NRG3: variants seen among roughly 807,000 people sequenced by gnomAD.
NRG3 encodes pro-neuregulin-3, membrane-bound isoform.
Under a neutral mutation model 66.9 loss-of-function variants are expected in NRG3, and 31 were observed. The observed-to-expected ratio is 0.46, with a 90% CI of 0.35 to 0.63. The LOEUF is 0.63. NRG3 is among the 20% of genes least tolerant of loss of function. The pLI is 0.00. For synonymous variants in NRG3, 393 were observed against 359.4 expected (o/e 1.09, Z -1.06); for missense variants, 910 against 878.9 (o/e 1.04, Z -0.45).
intron 3 of NRG3, among the ~76,000 whole-genome samples, chr10:82,787,956 A>G (rs1474718639): frequency 1.3e-5 from 2 of 152,224 alleles, no homozygotes; most frequent in Non-Finnish European, 2.9e-5. Context: ...TTCTTATGCC[A>G]TACAAGCACA....
chr10:82,549,133 AACTG>A (rs1255654335), intron 2 of NRG3, among the ~76,000 whole-genome samples: 1 of 152,182 alleles, frequency 6.6e-6, no homozygotes, highest in East Asian at 1.9e-4. Context: ...CTCATCTGTA[AACTG>A]ACTAATAACA....
intron 2 of NRG3, among the ~76,000 whole-genome samples, chr10:82,397,561 C>G (rs143944483): frequency 3.3e-5 from 5 of 152,050 alleles, no homozygotes; most frequent in Non-Finnish European, 7.4e-5. Flanking sequence ...CATTCAGTAT[C>G]TTTTAGACAT....
At chr10:82,394,498 T>C (rs1589970583) in intron 2 of NRG3, among the ~76,000 whole-genome samples, 1 of 152,158 alleles carries the variant, frequency 6.6e-6, no homozygotes, top group African/African-American at 2.4e-5. Flanking sequence ...GAATGGGCTC[T>C]TTTTTCCATT....
chr10:82,080,556 G>A (rs1050015630), intron 1 of NRG3, among the ~76,000 whole-genome samples: 3 of 152,128 alleles, frequency 2.0e-5, no homozygotes, highest in African/African-American at 7.2e-5. Flanking sequence ...CCTACAGCCT[G>A]GTGATCCCTG....
At chr10:82,455,911 C>T (rs1020417215) in intron 2 of NRG3, among the ~76,000 whole-genome samples, 1 of 152,026 alleles carries the variant, frequency 6.6e-6, no homozygotes, top group African/African-American at 2.4e-5. Flanking sequence ...AGCCACGGCA[C>T]CTGGCTAGAT....
chr10:82,034,018 A>T (rs1331983505), intron 1 of NRG3, among the ~76,000 whole-genome samples: 1 of 152,138 alleles, frequency 6.6e-6, no homozygotes, highest in African/African-American at 2.4e-5. Context: ...AAATGATTTA[A>T]AGTAGGTGGT....
intron 1 of NRG3, among the ~76,000 whole-genome samples, chr10:82,329,287 T>C (rs1391974732): frequency 6.6e-6 from 1 of 152,174 alleles, no homozygotes; most frequent in East Asian, 1.9e-4. Context: ...CATTGTGCTC[T>C]TTTATAAAAA....
At chr10:82,224,817 A>G (rs1477330871) in intron 1 of NRG3, among the ~76,000 whole-genome samples, 2 of 152,156 alleles carry the variant, frequency 1.3e-5, no homozygotes, top group African/African-American at 4.8e-5. Flanking sequence ...CACAGTAAAA[A>G]TCATAGGAAA....
chr10:82,357,031 C>T (rs914279710), intron 1 of NRG3, among the ~76,000 whole-genome samples: 3 of 152,062 alleles, frequency 2.0e-5, no homozygotes, highest in Non-Finnish European at 4.4e-5. Flanking sequence ...GTGTTGAATG[C>T]AGTGATGAAA....
intron 2 of NRG3, among the ~76,000 whole-genome samples, chr10:82,687,643 G>T (rs77734099): frequency 1.3e-5 from 2 of 152,096 alleles, no homozygotes; most frequent in Non-Finnish European, 2.9e-5. Context: ...TAAAAGGCAG[G>T]AATCAAGTTG....
chr10:82,449,351 T>C (rs1187252255), intron 2 of NRG3, among the ~76,000 whole-genome samples: 1 of 152,206 alleles, frequency 6.6e-6, no homozygotes, highest in Non-Finnish European at 1.5e-5. Flanking sequence ...TGTGAGATCT[T>C]CAGAAGAAAG....
chr10:82,159,832 G>A (rs1343184212), intron 1 of NRG3, among the ~76,000 whole-genome samples: 4 of 151,820 alleles, frequency 2.6e-5, no homozygotes. Flanking sequence ...TCTTCTAAAG[G>A]AACTTGAAAA....
At chr10:82,543,773 A>G (rs550631541) in intron 2 of NRG3, among the ~76,000 whole-genome samples, 108 of 152,352 alleles carry the variant, frequency 7.1e-4, no homozygotes, top group Middle Eastern at 3.4e-3. Flanking sequence ...TCATTCGTTC[A>G]GCTCCTGCAC....
At chr10:82,432,769 A>G (rs2089904380) in intron 2 of NRG3, among the ~76,000 whole-genome samples, 1 of 152,104 alleles carries the variant, frequency 6.6e-6, no homozygotes, top group African/African-American at 2.4e-5. Context: ...TTCTAGTGTC[A>G]TCCGAGTCCC....
intron 2 of NRG3, among the ~76,000 whole-genome samples, chr10:82,428,313 A>G (rs1480835757): frequency 6.6e-6 from 1 of 151,928 alleles, no homozygotes; most frequent in Non-Finnish European, 1.5e-5. Flanking sequence ...TTTTTAATAT[A>G]GGCATTTGTG....
chr10:82,535,869 AC>A (rs1847761204), intron 2 of NRG3, among the ~76,000 whole-genome samples: 1 of 151,684 alleles, frequency 6.6e-6, no homozygotes, highest in Admixed American at 6.6e-5. Context: ...GTAGTTTGCA[AC>A]AATTCAAAAT....
At chr10:82,192,392 C>A (rs566377387) in intron 1 of NRG3, among the ~76,000 whole-genome samples, 2 of 152,302 alleles carry the variant, frequency 1.3e-5, no homozygotes, top group Admixed American at 1.3e-4. Context: ...ACACTCAGAG[C>A]TGAAGCTGAA....
chr10:82,963,572 T>C (rs1384127601), intron 6 of NRG3, among the ~76,000 whole-genome samples: 2 of 152,026 alleles, frequency 1.3e-5, no homozygotes, highest in African/African-American at 4.8e-5. Flanking sequence ...CCCAGCTACT[T>C]GGGAGGCTGA....
intron 1 of NRG3, among the ~76,000 whole-genome samples, chr10:81,925,106 G>A (rs1424599239): frequency 6.6e-6 from 1 of 152,114 alleles, no homozygotes; most frequent in African/African-American, 2.4e-5. Context: ...AGCTTCCCCA[G>A]ATAAATTACA....
Sources: gnomAD v4.1 joint callset for allele counts (sites outside exome capture counted in the v4.1 genomes callset) on GRCh38, gnomAD v4.1.1 for gene constraint, MANE v1.5 for transcripts, NCBI Gene and HGNC (gene_info 2026-07-23, HGNC 2026-07-21) for gene names.